PLSCR1: variants seen among roughly 807,000 people sequenced by gnomAD.
PLSCR1 encodes the protein PL scramblase 1.
PLSCR1 carries 17 observed loss-of-function variants against 37.8 expected under a neutral mutation model. The ratio of observed to expected loss-of-function variants is 0.45; its 90% CI spans 0.31 to 0.68. PLSCR1 has a LOEUF of 0.68. PLSCR1 is among the 30% of genes least tolerant of loss of function. PLSCR1 has a pLI of 0.06. For synonymous variants in PLSCR1, 116 were observed against 125.9 expected (o/e 0.92, Z 0.53); for missense variants, 347 against 380.9 (o/e 0.91, Z 0.74).
chr3:146,536,447 T>G, intron 2 of PLSCR1, 93 bp downstream of exon 2: 1 of 763,232 alleles, frequency 1.3e-6, no homozygotes, highest in Admixed American at 1.9e-5. Context: ...TTATACACTT[T>G]CAGACACTGA....
intron 8 of PLSCR1, chr3:146,516,417 C>A: frequency 4.4e-6 from 1 of 227,038 alleles, no homozygotes; most frequent in African/African-American, 2.3e-5. Flanking sequence ...CTGGAATCAC[C>A]TGGAACACTA....
chr3:146,533,401 T>TCC (rs1287529627), intron 3 of PLSCR1, 69 bp downstream of exon 3: 1 of 779,862 alleles, frequency 1.3e-6, no homozygotes, highest in African/African-American at 1.7e-5. Context: ...ACTCTCTCTC[T>TCC]CCCACTCTCA....
At chr3:146,535,821 T>A (rs140541756) in intron 2 of PLSCR1, among the ~76,000 whole-genome samples, 1 of 152,298 alleles carries the variant, frequency 6.6e-6, no homozygotes, top group East Asian at 1.9e-4. Flanking sequence ...TCCTGGAGAT[T>A]ATTTCATATA....
chr3:146,522,162 C>T, intron 5 of PLSCR1, 109 bp from the exon 6 acceptor site: 1 of 699,780 alleles, frequency 1.4e-6, no homozygotes, highest in Non-Finnish European at 2.5e-6. Context: ...CCCCAAGTGG[C>T]ATAAGGAGGA....
chr3:146,535,346 A>G lies in PLSCR1; in HGVS notation c.13+1194T>C, dbSNP rs1438104794. On this transcript the variant is annotated intron_variant, in intron 2 of 8. Transcript: ENST00000342435. ...GTACCAAAGCAATGATTCTGATTTC[A>G]GGCATTCCAGGGGGAATTCATACAA... Among the ~76,000 whole-genome samples the G allele has an allele frequency of 2.6e-5, 4 of 152,270 alleles. No individual in the cohort carries two copies. In the South Asian group the frequency reaches 6.2e-4, roughly 24 times the overall value.
At chr3:146,536,001 C>A (rs1415542182) in intron 2 of PLSCR1, among the ~76,000 whole-genome samples, 2 of 152,062 alleles carry the variant, frequency 1.3e-5, no homozygotes, top group African/African-American at 4.8e-5. Context: ...TTCTTCAGAA[C>A]CTTGATATCT....
At position 146,525,641 on chromosome 3, in the gene PLSCR1, G is replaced by T; in HGVS notation, c.319C>A (p.Gln107Lys). ...PGLEYLSQID[Q>K]ILIHQQIELL... is the part of the protein sequence containing the mutation. Reference sequence around the variant, plus strand: ...TCAATTTGCTGATGAATCAGTATCTGATCTATCTATAGCAGGAAAAAAAAT... The same window carrying T: ...TCAATTTGCTGATGAATCAGTATCTTATCTATCTATAGCAGGAAAAAAAAT... Residue 107 changes from glutamine to lysine, a missense_variant, in exon 5 of 9, where the codon CAG becomes AAG. Coordinates refer to ENST00000342435, the MANE Select transcript of PLSCR1 (RefSeq NM_021105.3). The T allele has an allele frequency of 6.7e-7, 1 of 1,494,898 alleles. No individual in the cohort carries two copies. The highest frequency in any genetic ancestry group is 9.3e-7 in the Non-Finnish European group (1 of 1,076,000). 92.6% of individuals were successfully genotyped at this position (1,494,898 alleles called of 1,614,324 possible). A position where few individuals can be genotyped will look rare whatever the true frequency, so the allele number is the denominator to read the frequency against.
chr3:146,527,983 G>A (rs1217312308), intron 4 of PLSCR1: 4 of 151,978 alleles, frequency 2.6e-5, no homozygotes, highest in Non-Finnish European at 5.9e-5. Context: ...ATAAAATTAG[G>A]TCTTCCAAAG....
At chr3:146,531,011 T>C (rs2044190388) in intron 3 of PLSCR1, among the ~76,000 whole-genome samples, 1 of 152,208 alleles carries the variant, frequency 6.6e-6, no homozygotes. Flanking sequence ...GTGTAATTAA[T>C]TGATTCATTA....
intron 4 of PLSCR1, among the ~76,000 whole-genome samples, chr3:146,526,183 C>CAAAAAAAAAAA (rs60229241): frequency 4.7e-5 from 2 of 42,820 alleles, no homozygotes; most frequent in Non-Finnish European, 8.2e-5. Context: ...GACTCCATCT[C>CAAAAAAAAAAA]AAAAAAAAAA....
chr3:146,536,446 T>C, intron 2 of PLSCR1, 94 bp downstream of exon 2: 1 of 760,926 alleles, frequency 1.3e-6, no homozygotes, highest in East Asian at 2.5e-5. Context: ...ATTATACACT[T>C]TCAGACACTG....
At chr3:146,540,883 C>A (rs2587012) in intron 1 of PLSCR1, 33,561 of 151,976 alleles carry the variant, frequency 0.22, 4,067 homozygotes, top group Non-Finnish European at 0.25. Context: ...AATCAAGTAA[C>A]TTCCATGTCA....
At chr3:146,525,385 G>T in intron 5 of PLSCR1, 1 of 476,178 alleles carries the variant, frequency 2.1e-6, no homozygotes, top group Non-Finnish European at 3.8e-6. Context: ...TTCCTTCTAA[G>T]TTAGTGTCAA....
chr3:146,525,401 C>T (rs993606098), intron 5 of PLSCR1: 16 of 500,284 alleles, frequency 3.2e-5, no homozygotes, highest in African/African-American at 2.4e-4. Context: ...GTCAATATCC[C>T]GAGGGCAGGT....
chr3:146,539,800 T>A (rs1007863352), intron 1 of PLSCR1, among the ~76,000 whole-genome samples: 2 of 152,202 alleles, frequency 1.3e-5, no homozygotes, highest in Non-Finnish European at 2.9e-5. Flanking sequence ...TTATATAATA[T>A]CTCAAGCATT....
intron 2 of PLSCR1, 76 bp from the exon 3 acceptor site, chr3:146,533,626 A>G: frequency 1.2e-6 from 1 of 862,314 alleles, no homozygotes; most frequent in African/African-American, 1.7e-5. Flanking sequence ...TATTGTACTT[A>G]GATAATTGTA....
At chr3:146,525,546 C>T in intron 5 of PLSCR1, 59 bp downstream of exon 5, 1 of 866,190 alleles carries the variant, frequency 1.2e-6, no homozygotes, top group South Asian at 1.4e-5. Context: ...GTCAATGTGC[C>T]TTTATCTGCA....
chr3:146,538,575 C>G (rs2044296388), intron 1 of PLSCR1, among the ~76,000 whole-genome samples: 1 of 152,052 alleles, frequency 6.6e-6, no homozygotes, highest in African/African-American at 2.4e-5. Flanking sequence ...GGCCTTTAAC[C>G]AATTTTAACA....
intron 3 of PLSCR1, among the ~76,000 whole-genome samples, chr3:146,532,492 T>A (rs1370955099): frequency 6.6e-6 from 1 of 152,244 alleles, no homozygotes; most frequent in Non-Finnish European, 1.5e-5. Flanking sequence ...AAGGTTGCCA[T>A]GAGCCACCAC....
Sources: gnomAD v4.1 joint callset for allele counts (sites outside exome capture counted in the v4.1 genomes callset) on GRCh38, gnomAD v4.1.1 for gene constraint, MANE v1.5 for transcripts, NCBI Gene and HGNC (gene_info 2026-07-23, HGNC 2026-07-21) for gene names.